The following SLC12A8 variants were observed in gnomAD, a reference collection of about 807,000 sequenced individuals.
SLC12A8 encodes solute carrier family 12 member 8.
In SLC12A8, 69 loss-of-function variants were observed where a neutral mutation model predicts 75.6. The ratio of observed to expected loss-of-function variants is 0.91; its 90% CI spans 0.75 to 1.11. The LOEUF is 1.11. Among genes scored for constraint, SLC12A8 ranks in the 50% most tolerant of loss-of-function variants. The probability of loss-of-function intolerance (pLI) is 0.00; values close to 1 mark genes in which losing one functional copy is unlikely to be tolerated. For synonymous variants in SLC12A8, 365 were observed against 372.8 expected, an observed-to-expected ratio of 0.98 and a Z score of 0.24; for missense variants, 877 against 896.7, an observed-to-expected ratio of 0.98 and a Z score of 0.28.
At chr3:125,130,611 A>T (rs1933329041) in intron 6 of SLC12A8, among the ~76,000 whole-genome samples, 2 of 151,334 alleles carry the variant, frequency 1.3e-5, no homozygotes, top group South Asian at 2.1e-4. Context: ...AAAAAGAAAA[A>T]GAAAAAGAAA....
intron 10 of SLC12A8, among the ~76,000 whole-genome samples, chr3:125,102,333 G>A (rs990305500): frequency 5.9e-5 from 9 of 152,152 alleles, no homozygotes; most frequent in Non-Finnish European, 1.0e-4. Flanking sequence ...GGGTGAAAGC[G>A]GAACGTACAG....
At chr3:125,090,626 G>T (rs1159510149) in intron 12 of SLC12A8, among the ~76,000 whole-genome samples, 2 of 152,128 alleles carry the variant, frequency 1.3e-5, no homozygotes, top group South Asian at 2.1e-4. Context: ...GTTAAGCTTT[G>T]TTATGTCTTC....
Position 125,190,388 on chromosome 3 carries a change from G to A in SLC12A8, c.185C>T (p.Thr62Ile). ...CTCAGCACTCACCACCAGCCAGCCA[G>A]TCCTCAGGAAGAGCACAACCCCAAA... ...NIFGVVLFLR[T>I]GWLVGNTGVL... Residue 62 changes from threonine (T) to isoleucine (I), a missense_variant, in exon 3 of 14, where the codon ACT becomes ATT. Physicochemically the swap from Thr to Ile is moderately conservative, Grantham distance 89. Coordinates refer to ENST00000469902, the MANE Select transcript of SLC12A8 (RefSeq NM_024628.6). The A allele has an allele frequency of 6.2e-7, 1 of 1,614,224 alleles. No homozygotes were observed. Among genetic ancestry groups the A allele is most frequent in the Non-Finnish European group, 8.5e-7 (1 of 1,180,038 alleles).
At chr3:125,104,075 G>C (rs1366539285) in intron 10 of SLC12A8, among the ~76,000 whole-genome samples, 3 of 151,792 alleles carry the variant, frequency 2.0e-5, no homozygotes, top group Non-Finnish European at 4.4e-5. Context: ...AACAGGAACA[G>C]TGAAAGGAAC....
At chr3:125,113,346 A>G (rs541846896) in intron 8 of SLC12A8, among the ~76,000 whole-genome samples, 1 of 152,342 alleles carries the variant, frequency 6.6e-6, no homozygotes, top group Admixed American at 6.5e-5. Context: ...ACTATTATTC[A>G]GTCTATTTTC....
intron 6 of SLC12A8, among the ~76,000 whole-genome samples, chr3:125,123,371 G>GAAAAA (rs34868769): frequency 2.9e-5 from 3 of 103,948 alleles, no homozygotes; most frequent in African/African-American, 7.4e-5. Context: ...TCCATCTCAG[G>GAAAAA]AAAAAAAAAA....
Position 125,187,252 on chromosome 3 carries a change from G to A in SLC12A8, c.375C>T (p.Leu125=). Residue 125 remains leucine (L), a synonymous_variant, in exon 4 of 14, where the codon CTC becomes CTT. Coordinates refer to ENST00000469902, the MANE Select transcript of SLC12A8 (RefSeq NM_024628.6). ...GGQTGGTIGL[L]YVFGQCVAGA... The stretch of plus-strand genomic sequence containing the variant: ...CAGGCCTCACCTGTCCAAACACATA[G>A]AGCAGCCCGATGGTGCCTCCCGTCT... 6.2e-7 allele frequency: 1 copy of A among 1,614,136 alleles called. No homozygotes were observed. Among genetic ancestry groups the A allele is most frequent in the South Asian group, 1.1e-5 (1 of 91,066 alleles).
Position 125,107,650 on chromosome 3 carries a change from A to G in SLC12A8, c.1536T>C (p.Pro512=), listed in dbSNP as rs1293217036. 4 of 1,613,982 alleles carry G rather than the reference A, an allele frequency of 2.5e-6. No individual in the cohort carries two copies. Among genetic ancestry groups the G allele is most frequent in the Non-Finnish European group, 2.5e-6 (3 of 1,180,008 alleles). ...QDSFLLDLKS[P]PSFPVEISDR... is the part of the protein sequence containing the mutation. ...CAGAGATCTCGACAGGGAAAGAAGG[A>G]GGGGATTTGAGGTCCAAGAGGAAGC... The change falls in exon 10 of 14, where the codon CCT becomes CCC. Residue 512 remains proline (P), a synonymous_variant. Transcript: ENST00000469902.
At chr3:125,158,418 A>C (rs1402904878) in intron 5 of SLC12A8, among the ~76,000 whole-genome samples, 1 of 152,062 alleles carries the variant, frequency 6.6e-6, no homozygotes, top group East Asian at 1.9e-4. Flanking sequence ...ACGGGGTTTC[A>C]CCATGTTGCC....
intron 5 of SLC12A8, among the ~76,000 whole-genome samples, chr3:125,150,080 C>T (rs1441220441): frequency 1.3e-5 from 2 of 152,206 alleles, no homozygotes; most frequent in Admixed American, 6.5e-5. Flanking sequence ...TACAATTTTG[C>T]ATGCAACTTC....
chr3:125,109,721 G>A (rs1030257227), intron 9 of SLC12A8, among the ~76,000 whole-genome samples: 2 of 152,218 alleles, frequency 1.3e-5, no homozygotes, highest in African/African-American at 4.8e-5. Flanking sequence ...AACAGGAAGT[G>A]TAGACGCCAG....
chr3:125,120,858 G>T (rs1231684971), intron 6 of SLC12A8, 172 bp from the exon 7 acceptor site: 2 of 706,378 alleles, frequency 2.8e-6, no homozygotes, highest in East Asian at 2.7e-5. Flanking sequence ...GGCAACTAGG[G>T]AGGCATCCCT....
chr3:125,113,896 T>C (rs1939245736), intron 8 of SLC12A8, among the ~76,000 whole-genome samples: 1 of 152,206 alleles, frequency 6.6e-6, no homozygotes. Flanking sequence ...ATTCATTGGC[T>C]GCTCTCTTCT....
At chr3:125,160,852 GGGCACAGCC>G (rs1934152178) in intron 5 of SLC12A8, among the ~76,000 whole-genome samples, 1 of 45,970 alleles carries the variant, frequency 2.2e-5, no homozygotes, top group Non-Finnish European at 4.5e-5. Flanking sequence ...CGGGGGCACA[GGGCACAGCC>G]AGAGCACTGG....
chr3:125,099,114 T>C (rs544574495), intron 10 of SLC12A8, among the ~76,000 whole-genome samples: 1 of 152,194 alleles, frequency 6.6e-6, no homozygotes, highest in Non-Finnish European at 1.5e-5. Flanking sequence ...TTGACTATGC[T>C]TCCCAAGTGA....
chr3:125,181,873 C>T (rs1934671293), intron 4 of SLC12A8, among the ~76,000 whole-genome samples: 1 of 151,886 alleles, frequency 6.6e-6, no homozygotes, highest in Non-Finnish European at 1.5e-5. Context: ...AAAAAAACTA[C>T]ATATACAGAG....
rs527609238 is a variant in SLC12A8, at chr3:125,100,597, G to A, written c.1705+6884C>T. On this transcript the variant is annotated intron_variant, in intron 10 of 13. Transcript: ENST00000469902. ...TAATTTTTGTATTTTTAGTAGAGAT[G>A]AGGTTTCTCCATGTTGGTCAGGCTG... Among the ~76,000 whole-genome samples the A allele has an allele frequency of 1.7e-4, 25 of 151,508 alleles. 1 individual carries two copies. In the East Asian group the frequency reaches 4.9e-3, roughly 30 times the overall value.
At chr3:125,104,806 C>T (rs1392454110) in intron 10 of SLC12A8, among the ~76,000 whole-genome samples, 1 of 152,134 alleles carries the variant, frequency 6.6e-6, no homozygotes, top group Non-Finnish European at 1.5e-5. Flanking sequence ...AGTTTAGAGG[C>T]TCACCCTTTT....
intron 5 of SLC12A8, among the ~76,000 whole-genome samples, chr3:125,149,986 A>G (rs1933880708): frequency 6.6e-6 from 1 of 152,144 alleles, no homozygotes; most frequent in Non-Finnish European, 1.5e-5. Flanking sequence ...CTAATCCTTA[A>G]TCTTTCCCCC....
Sources: gnomAD v4.1 joint callset for allele counts (sites outside exome capture counted in the v4.1 genomes callset) on GRCh38, gnomAD v4.1.1 for gene constraint, MANE v1.5 for transcripts, NCBI Gene and HGNC (gene_info 2026-07-23, HGNC 2026-07-21) for gene names.